The following DEPTOR variants were observed in gnomAD, a reference collection of about 807,000 sequenced individuals.
DEPTOR encodes DEP domain containing MTOR interacting protein.
Under a neutral mutation model 41.6 loss-of-function variants are expected in DEPTOR, and 41 were observed. The observed-to-expected ratio is 0.98, with a 90% CI of 0.77 to 1.28. DEPTOR has a LOEUF of 1.28. Among genes scored for constraint, DEPTOR ranks in the 50% most tolerant of loss-of-function variants. DEPTOR has a pLI of 0.00. For synonymous variants in DEPTOR, 195 were observed against 192.3 expected (o/e 1.01, Z -0.12); for missense variants, 514 against 527.9 (o/e 0.97, Z 0.26).
intron 4 of DEPTOR, among the ~76,000 whole-genome samples, chr8:119,979,335 G>A (rs895134456): frequency 2.6e-5 from 4 of 151,714 alleles, no homozygotes; most frequent in African/African-American, 9.7e-5. Flanking sequence ...GGAGTGCAGT[G>A]GCATGATCTT....
At chr8:119,921,563 C>A (rs977338371) in intron 1 of DEPTOR, among the ~76,000 whole-genome samples, 1 of 152,026 alleles carries the variant, frequency 6.6e-6, no homozygotes, top group African/African-American at 2.4e-5. Flanking sequence ...AATTATTTCC[C>A]CCCCATCATA....
At chr8:119,877,350 G>C (rs553933325) in intron 1 of DEPTOR, among the ~76,000 whole-genome samples, 1 of 152,216 alleles carries the variant, frequency 6.6e-6, no homozygotes, top group South Asian at 2.1e-4. Context: ...TGTTAGTACA[G>C]AGCAGTATAA....
intron 1 of DEPTOR, among the ~76,000 whole-genome samples, chr8:119,908,171 G>A (rs1827690338): frequency 6.6e-6 from 1 of 152,194 alleles, no homozygotes; most frequent in Non-Finnish European, 1.5e-5. Flanking sequence ...TTGCTGACAT[G>A]TGTAGGTGCT....
chr8:119,933,453 GACAC>G (rs35420959), intron 3 of DEPTOR, among the ~76,000 whole-genome samples: 1,950 of 124,520 alleles, frequency 0.016, 17 homozygotes, highest in East Asian at 0.036. Flanking sequence ...GACAGAGCAA[GACAC>G]ACACACACAC....
chr8:120,033,931 G>A (rs1034345599), intron 8 of DEPTOR, among the ~76,000 whole-genome samples: 2 of 152,078 alleles, frequency 1.3e-5, no homozygotes, highest in Non-Finnish European at 2.9e-5. Context: ...GAAGGGGCGG[G>A]TGACTCACGC....
intron 1 of DEPTOR, among the ~76,000 whole-genome samples, chr8:119,877,030 A>G (rs1009710991): frequency 2.0e-5 from 3 of 152,190 alleles, no homozygotes; most frequent in Non-Finnish European, 4.4e-5. Flanking sequence ...AGGATATAGA[A>G]CTAGGCTGCC....
At chr8:119,954,371 C>T (rs1828391589) in intron 3 of DEPTOR, among the ~76,000 whole-genome samples, 1 of 151,980 alleles carries the variant, frequency 6.6e-6, no homozygotes, top group South Asian at 2.1e-4. Flanking sequence ...GTCTTGAATT[C>T]CTGGGCTCAA....
intron 3 of DEPTOR, among the ~76,000 whole-genome samples, chr8:119,961,214 C>T (rs943694121): frequency 1.6e-4 from 24 of 151,364 alleles, no homozygotes; most frequent in African/African-American, 4.6e-4. Flanking sequence ...GTTGGGAGTT[C>T]GAGACCAGCC....
At chr8:119,995,865 T>C (rs1812251505) in intron 4 of DEPTOR, among the ~76,000 whole-genome samples, 1 of 152,158 alleles carries the variant, frequency 6.6e-6, no homozygotes. Context: ...GGTGCCATAA[T>C]ATGGCTGTCT....
chr8:119,931,104 T>C (rs7825920), intron 3 of DEPTOR, among the ~76,000 whole-genome samples: 105,252 of 151,812 alleles, frequency 0.69, 38,071 homozygotes, highest in African/African-American at 0.91. Flanking sequence ...CCCAGCTACT[T>C]GGTAGGCTGG....
At chr8:119,989,378 A>G (rs1289103082) in intron 4 of DEPTOR, among the ~76,000 whole-genome samples, 1 of 152,200 alleles carries the variant, frequency 6.6e-6, no homozygotes, top group Admixed American at 6.5e-5. Context: ...AATGTGGGCA[A>G]AGCAGACTCC....
intron 3 of DEPTOR, among the ~76,000 whole-genome samples, chr8:119,932,012 T>C (rs1001912777): frequency 6.6e-6 from 1 of 150,690 alleles, no homozygotes; most frequent in African/African-American, 2.4e-5. Flanking sequence ...GACAGGAGCT[T>C]GCTCTGTCTC....
intron 4 of DEPTOR, among the ~76,000 whole-genome samples, chr8:119,988,600 A>G (rs927467837): frequency 2.0e-5 from 3 of 152,130 alleles, no homozygotes; most frequent in Non-Finnish European, 4.4e-5. Context: ...CTCCTGCCTC[A>G]GCCTCCCGAG....
At chr8:119,980,971 C>T (rs577153053) in intron 4 of DEPTOR, among the ~76,000 whole-genome samples, 92 of 152,278 alleles carry the variant, frequency 6.0e-4, no homozygotes, top group Non-Finnish European at 1.1e-3. Context: ...TCCCCAGCAC[C>T]ATGATTTCAC....
At chr8:120,016,606 A>AT (rs1020195678) in intron 8 of DEPTOR, among the ~76,000 whole-genome samples, 58 of 143,986 alleles carry the variant, frequency 4.0e-4, no homozygotes, top group South Asian at 8.9e-4. Context: ...TGGCCATGGA[A>AT]TTTTTTTTTT....
chr8:119,990,551 G>C (rs565426282), intron 4 of DEPTOR, among the ~76,000 whole-genome samples: 8 of 152,344 alleles, frequency 5.3e-5, no homozygotes, highest in Admixed American at 2.6e-4. Context: ...GTAAGACACA[G>C]AAGCTGCAGC....
At chr8:119,963,597 A>T (rs1381624273) in intron 3 of DEPTOR, among the ~76,000 whole-genome samples, 1 of 152,106 alleles carries the variant, frequency 6.6e-6, no homozygotes, top group Admixed American at 6.6e-5. Context: ...GTGATCCACC[A>T]GCCTCAGCTT....
intron 8 of DEPTOR, among the ~76,000 whole-genome samples, chr8:120,038,416 A>G (rs1048508572): frequency 5.3e-5 from 8 of 151,922 alleles, no homozygotes; most frequent in Non-Finnish European, 1.0e-4. Context: ...CCTGGGCAAC[A>G]TGGCAAAATC....
intron 8 of DEPTOR, among the ~76,000 whole-genome samples, chr8:120,024,248 A>T (rs1812765473): frequency 1.3e-5 from 2 of 151,508 alleles, no homozygotes; most frequent in African/African-American, 2.4e-5. Context: ...AAAATGAATA[A>T]ATAAACAAAA....
Sources: allele counts gnomAD v4.1 joint callset (sites outside exome capture counted in the v4.1 genomes callset), GRCh38; gene constraint gnomAD v4.1.1; transcripts MANE v1.5; gene names NCBI Gene and HGNC (gene_info 2026-07-23, HGNC 2026-07-21).